Variants in KIAA1217 observed in about 807,000 individuals in gnomAD.
KIAA1217 encodes KIAA1217.
KIAA1217 carries 88 observed loss-of-function variants against 163.9 expected under a neutral mutation model. The ratio of observed to expected loss-of-function variants is 0.54; its 90% CI spans 0.45 to 0.64. KIAA1217 has a LOEUF of 0.64. Among genes scored for constraint, KIAA1217 ranks in the 30% least tolerant of loss-of-function variants. The pLI, the probability that KIAA1217 is intolerant of heterozygous loss-of-function variation, is 0.00. For missense variants in KIAA1217, 2,372 were observed against 2,475.0 expected (o/e 0.96, Z 0.88); for synonymous variants, 903 against 923.1 (o/e 0.98, Z 0.39).
At chr10:23,934,557 G>GTATATATATATA (rs778185120) in intron 1 of KIAA1217, among the ~76,000 whole-genome samples, 11 of 44,344 alleles carry the variant, frequency 2.5e-4, no homozygotes, top group Non-Finnish European at 3.5e-4. Context: ...GGTCTTTAAA[G>GTATATATATATA]TATATATATA....
intron 1 of KIAA1217, among the ~76,000 whole-genome samples, chr10:23,904,276 G>A (rs1842063831): frequency 6.6e-6 from 1 of 152,142 alleles, no homozygotes; most frequent in Non-Finnish European, 1.5e-5. Context: ...GCAATGAAAT[G>A]ACAAGACTGA....
intron 2 of KIAA1217, chr10:24,239,462 G>A (rs1038693872): frequency 1.3e-5 from 3 of 227,492 alleles, no homozygotes; most frequent in African/African-American, 2.4e-5. Flanking sequence ...CTTTCCCATA[G>A]CAATGTTCGT....
intron 1 of KIAA1217, among the ~76,000 whole-genome samples, chr10:23,818,279 A>T (rs1158950481): frequency 7.0e-6 from 1 of 142,924 alleles, no homozygotes; most frequent in Non-Finnish European, 1.5e-5. Flanking sequence ...ATAATATGTT[A>T]TATATTTATA....
At chr10:24,211,550 G>GTATTTTATTT (rs2068103078) in intron 1 of KIAA1217, among the ~76,000 whole-genome samples, 1 of 40,442 alleles carries the variant, frequency 2.5e-5, no homozygotes, top group African/African-American at 6.7e-5. Flanking sequence ...GTATTGTATT[G>GTATTTTATTT]TATTGTATTG....
chr10:23,773,523 G>A (rs1490999067), intron 1 of KIAA1217, among the ~76,000 whole-genome samples: 1 of 151,904 alleles, frequency 6.6e-6, no homozygotes, highest in African/African-American at 2.4e-5. Context: ...GCTTGATGGG[G>A]ATGGCATTGA....
chr10:23,947,056 T>A (rs1165231662), intron 1 of KIAA1217, among the ~76,000 whole-genome samples: 1 of 152,126 alleles, frequency 6.6e-6, no homozygotes, highest in Admixed American at 6.6e-5. Context: ...GCTGCCACCA[T>A]GTGAAAAAGG....
chr10:24,107,637 G>A (rs573726018), intron 2 of KIAA1217, among the ~76,000 whole-genome samples: 1 of 152,266 alleles, frequency 6.6e-6, no homozygotes, highest in South Asian at 2.1e-4. Flanking sequence ...AATGATTAGT[G>A]ATTTTGAGCG....
intron 10 of KIAA1217, among the ~76,000 whole-genome samples, chr10:24,517,053 C>G (rs1476229830): frequency 6.6e-6 from 1 of 151,830 alleles, no homozygotes; most frequent in East Asian, 1.9e-4. Flanking sequence ...CATGGTGGCA[C>G]ACACCTGTGG....
chr10:23,836,784 G>A (rs1044016652), intron 1 of KIAA1217, among the ~76,000 whole-genome samples: 1 of 151,846 alleles, frequency 6.6e-6, no homozygotes, highest in Non-Finnish European at 1.5e-5. Context: ...AAAAAAATTA[G>A]CCGTGTATGG....
chr10:23,733,758 C>T (rs1241373818), intron 1 of KIAA1217, among the ~76,000 whole-genome samples: 1 of 151,998 alleles, frequency 6.6e-6, no homozygotes, highest in Non-Finnish European at 1.5e-5. Context: ...AGTGCCTGCA[C>T]TTAACTGTAT....
At chr10:23,981,056 G>A (rs1589178594) in intron 1 of KIAA1217, among the ~76,000 whole-genome samples, 3 of 152,114 alleles carry the variant, frequency 2.0e-5, no homozygotes, top group South Asian at 2.1e-4. Context: ...AAATAAAACC[G>A]TATTTGCACC....
intron 1 of KIAA1217, among the ~76,000 whole-genome samples, chr10:23,762,838 C>T (rs988142073): frequency 6.6e-6 from 1 of 152,154 alleles, no homozygotes; most frequent in Non-Finnish European, 1.5e-5. Flanking sequence ...TCTCTGTTTG[C>T]AGATGACATG....
chr10:24,132,214 A>C (rs1253795996), intron 2 of KIAA1217, among the ~76,000 whole-genome samples: 3 of 152,176 alleles, frequency 2.0e-5, no homozygotes, highest in Non-Finnish European at 4.4e-5. Flanking sequence ...GAACTCAGTC[A>C]CACAGTCCCA....
chr10:23,933,312 C>T (rs1020302041), intron 1 of KIAA1217, among the ~76,000 whole-genome samples: 2 of 152,110 alleles, frequency 1.3e-5, no homozygotes, highest in Non-Finnish European at 2.9e-5. Context: ...CGGAAGGGTG[C>T]GTTAGTTTCT....
rs529345918 is a variant in KIAA1217 at position 24,088,002 on chromosome 10, G to A, written c.-171+80628G>A. On this transcript the variant is annotated intron_variant, in intron 2 of 18. Transcript: ENST00000376462. ...CCAAGTTAGTGGACCATCCATTGCA[G>A]ATGGTAGCCCAAATGAAGTAGTCCT... Among the ~76,000 whole-genome samples the A allele has an allele frequency of 2.2e-5, 2 of 91,530 alleles. 1 individual carries two copies. Among genetic ancestry groups the A allele is most frequent in the South Asian group, 7.6e-4 (2 of 2,640 alleles). The allele number at this position is 91,530 out of a possible 152,430, so 60.0% of individuals were successfully genotyped here.
chr10:23,845,114 C>T (rs1309840023), intron 1 of KIAA1217, among the ~76,000 whole-genome samples: 1 of 152,186 alleles, frequency 6.6e-6, no homozygotes, highest in African/African-American at 2.4e-5. Context: ...ATATGTGCCA[C>T]ATTTTCTTTA....
intron 2 of KIAA1217, among the ~76,000 whole-genome samples, chr10:24,221,186 A>T (rs970354277): frequency 6.6e-6 from 1 of 152,106 alleles, no homozygotes; most frequent in Non-Finnish European, 1.5e-5. Context: ...AACTGTGGCT[A>T]GGGATGTTTT....
At chr10:24,330,807 T>C (rs1466803006) in intron 2 of KIAA1217, among the ~76,000 whole-genome samples, 1 of 151,462 alleles carries the variant, frequency 6.6e-6, no homozygotes, top group Non-Finnish European at 1.5e-5. Context: ...TAGAGATGGG[T>C]TTTTCCATGT....
chr10:23,706,094 T>A (rs1460938086), intron 1 of KIAA1217, among the ~76,000 whole-genome samples: 3 of 152,302 alleles, frequency 2.0e-5, no homozygotes, highest in East Asian at 1.9e-4. Context: ...TGCTTTTTTT[T>A]ATATTGGTCT....
Sources: gnomAD v4.1 joint callset for allele counts (sites outside exome capture counted in the v4.1 genomes callset) on GRCh38, gnomAD v4.1.1 for gene constraint, MANE v1.5 for transcripts, NCBI Gene and HGNC (gene_info 2026-07-23, HGNC 2026-07-21) for gene names.